THEMIS: variants seen among roughly 807,000 people sequenced by gnomAD.
The protein encoded by THEMIS is thymocyte selection associated, also known as protein THEMIS.
In THEMIS, 37 loss-of-function variants were observed where a neutral mutation model predicts 52.6. The ratio of observed to expected loss-of-function variants is 0.70; its 90% CI spans 0.54 to 0.93. The LOEUF (loss-of-function observed/expected upper bound fraction) is 0.93. THEMIS is among the 40% of genes least tolerant of loss of function. The pLI is 0.00. For synonymous variants in THEMIS, 292 were observed against 272.7 expected (o/e 1.07, Z -0.70); for missense variants, 808 against 763.1 (o/e 1.06, Z -0.69).
chr6:127,866,249 C>T lies in THEMIS; in HGVS notation c.92-11061G>A, dbSNP rs1308325961. Among the ~76,000 whole-genome samples, 4 of 152,048 alleles carry T rather than the reference C, an allele frequency of 2.6e-5. No individual in the cohort carries two copies. In the East Asian group the frequency reaches 7.7e-4, roughly 29 times the overall value. On this transcript the variant is annotated intron_variant, in intron 1 of 5. Coordinates refer to ENST00000368248, the MANE Select transcript of THEMIS (RefSeq NM_001010923.3). The stretch of plus-strand genomic sequence containing the variant: ...AATGATTTAGTTTGTTCTTAAAATA[C>T]ATTAAATTTTATCATATTCATTTAT...
At chr6:127,862,428 A>AGTTTTTT (rs1779833769) in intron 1 of THEMIS, among the ~76,000 whole-genome samples, 1 of 72,808 alleles carries the variant, frequency 1.4e-5, no homozygotes, top group Non-Finnish European at 2.8e-5. Context: ...TAGGGAGTAA[A>AGTTTTTT]TTTTTTTTTT....
chr6:127,711,870 T>C (rs1773994623), intron 5 of THEMIS, among the ~76,000 whole-genome samples: 1 of 152,006 alleles, frequency 6.6e-6, no homozygotes, highest in African/African-American at 2.4e-5. Flanking sequence ...ACTGAAGACC[T>C]AAGTCTGATT....
intron 1 of THEMIS, among the ~76,000 whole-genome samples, chr6:127,914,484 C>T (rs1392925385): frequency 6.6e-6 from 1 of 152,148 alleles, no homozygotes; most frequent in African/African-American, 2.4e-5. Context: ...TTACACAAAC[C>T]TAGGTGTGTA....
At chr6:127,802,057 A>G (rs968477710) in intron 4 of THEMIS, among the ~76,000 whole-genome samples, 1 of 152,196 alleles carries the variant, frequency 6.6e-6, no homozygotes, top group African/African-American at 2.4e-5. Context: ...GAGTTAAAAA[A>G]GGTTCTAAGA....
At chr6:127,875,311 A>G (rs553499654) in intron 1 of THEMIS, among the ~76,000 whole-genome samples, 1 of 152,328 alleles carries the variant, frequency 6.6e-6, no homozygotes, top group Admixed American at 6.5e-5. Flanking sequence ...GCAACTTTTG[A>G]CACCAGTGAC....
intron 1 of THEMIS, among the ~76,000 whole-genome samples, chr6:127,874,744 A>G (rs1780263950): frequency 6.6e-6 from 1 of 152,252 alleles, no homozygotes; most frequent in East Asian, 1.9e-4. Context: ...TATGGCTATA[A>G]AAAAGCAACA....
At chr6:127,830,961 A>T (rs890337546) in intron 2 of THEMIS, among the ~76,000 whole-genome samples, 42 of 152,172 alleles carry the variant, frequency 2.8e-4, no homozygotes, top group Admixed American at 2.2e-3. Flanking sequence ...TTGATTATAA[A>T]ACCCTTGTGG....
chr6:127,736,237 T>A (rs1283338430), intron 4 of THEMIS, among the ~76,000 whole-genome samples: 1 of 152,178 alleles, frequency 6.6e-6, no homozygotes, highest in African/African-American at 2.4e-5. Flanking sequence ...AAATTGTTTT[T>A]ATTATATATA....
chr6:127,707,221 C>G (rs1773822192), downstream of THEMIS, among the ~76,000 whole-genome samples: 1 of 152,048 alleles, frequency 6.6e-6, no homozygotes, highest in African/African-American at 2.4e-5. Flanking sequence ...ATTATGGGAA[C>G]TACAATTCAA....
chr6:127,778,498 T>C (rs775999509), intron 4 of THEMIS, among the ~76,000 whole-genome samples: 5 of 152,244 alleles, frequency 3.3e-5, no homozygotes, highest in South Asian at 2.1e-4. Context: ...TGCTTACCCA[T>C]TTACATTTAA....
chr6:127,801,573 C>A (rs973268483), intron 4 of THEMIS, among the ~76,000 whole-genome samples: 5 of 152,090 alleles, frequency 3.3e-5, no homozygotes, highest in African/African-American at 7.2e-5. Flanking sequence ...CTCTCATGAA[C>A]CTTTTTTGCT....
At chr6:127,877,864 C>A (rs1377538622) in intron 1 of THEMIS, among the ~76,000 whole-genome samples, 1 of 151,904 alleles carries the variant, frequency 6.6e-6, no homozygotes, top group Non-Finnish European at 1.5e-5. Flanking sequence ...AAAGAAAAAG[C>A]AATATTTACT....
intron 1 of THEMIS, among the ~76,000 whole-genome samples, chr6:127,869,112 G>A (rs902507049): frequency 6.6e-6 from 1 of 152,106 alleles, no homozygotes; most frequent in African/African-American, 2.4e-5. Context: ...ATATATGTAT[G>A]ATATTTATTA....
At chr6:127,814,504 G>C (rs1778058753) in intron 3 of THEMIS, among the ~76,000 whole-genome samples, 1 of 152,032 alleles carries the variant, frequency 6.6e-6, no homozygotes, top group Non-Finnish European at 1.5e-5. Flanking sequence ...TAAGATACAA[G>C]CTACTTGAGA....
chr6:127,851,700 G>T (rs185479504), intron 2 of THEMIS, among the ~76,000 whole-genome samples: 1 of 151,730 alleles, frequency 6.6e-6, no homozygotes, highest in South Asian at 2.1e-4. Flanking sequence ...CAAAATGCTG[G>T]TGAGGATGTG....
intron 4 of THEMIS, among the ~76,000 whole-genome samples, chr6:127,721,142 C>T (rs1774350347): frequency 6.6e-6 from 1 of 151,946 alleles, no homozygotes; most frequent in Non-Finnish European, 1.5e-5. Context: ...ATGAGATGGG[C>T]AGAGTTAGGT....
chr6:127,775,668 C>T (rs548259697), intron 4 of THEMIS, among the ~76,000 whole-genome samples: 1 of 151,334 alleles, frequency 6.6e-6, no homozygotes, highest in East Asian at 1.9e-4. Context: ...ATGTTCCCCA[C>T]CCCTGGCAAA....
chr6:127,851,905 C>A (rs1401172271), intron 2 of THEMIS, among the ~76,000 whole-genome samples: 2 of 151,592 alleles, frequency 1.3e-5, no homozygotes, highest in Non-Finnish European at 3.0e-5. Flanking sequence ...CATTAGCCTG[C>A]AGTTAGTAAA....
intron 4 of THEMIS, among the ~76,000 whole-genome samples, chr6:127,791,816 T>C (rs968628364): frequency 6.6e-6 from 1 of 152,156 alleles, no homozygotes; most frequent in South Asian, 2.1e-4. Flanking sequence ...GGTGTTTCAG[T>C]GCTGCCCCAA....
Sources: gnomAD v4.1 joint callset for allele counts (sites outside exome capture counted in the v4.1 genomes callset) on GRCh38, gnomAD v4.1.1 for gene constraint, MANE v1.5 for transcripts, NCBI Gene and HGNC (gene_info 2026-07-23, HGNC 2026-07-21) for gene names.